HEXB: variants seen among roughly 807,000 people sequenced by gnomAD.
The protein encoded by HEXB is hexosaminidase subunit beta.
A neutral mutation model predicts 71.2 loss-of-function variants in HEXB; 51 were observed. The ratio of observed to expected loss-of-function variants is 0.72; its 90% CI spans 0.57 to 0.90. The LOEUF is 0.90. Ranked by LOEUF, HEXB falls within the 40% of genes least tolerant of loss-of-function variation. The pLI, the probability that HEXB is intolerant of heterozygous loss-of-function variation, is 0.00. For missense variants in HEXB, 617 were observed against 677.0 expected, an observed-to-expected ratio of 0.91 and a Z score of 0.98; for synonymous variants, 266 against 249.3, an observed-to-expected ratio of 1.07 and a Z score of -0.63.
intron 1 of HEXB, among the ~76,000 whole-genome samples, chr5:74,644,157 G>C (rs938945838): frequency 6.6e-6 from 1 of 152,248 alleles, no homozygotes; most frequent in Non-Finnish European, 1.5e-5. Flanking sequence ...AGGGAAGCAG[G>C]GTGGACAGAT....
At chr5:74,711,973 C>T (rs1351157544) in intron 6 of HEXB, among the ~76,000 whole-genome samples, 6 of 148,044 alleles carry the variant, frequency 4.1e-5, no homozygotes, top group African/African-American at 1.3e-4. Context: ...TGTAAAGACA[C>T]ATGCACACGT....
At chr5:74,686,863 A>G (rs1446297350) in intron 1 of HEXB, among the ~76,000 whole-genome samples, 1 of 152,194 alleles carries the variant, frequency 6.6e-6, no homozygotes, top group Non-Finnish European at 1.5e-5. Flanking sequence ...TTAAAAACAA[A>G]CACGCTTATT....
rs1367450967 is a variant in HEXB at position 74,718,872 on chromosome 5, G to A, written c.1318G>A (p.Gly440Ser). 6.2e-7 allele frequency: 1 copy of A among 1,613,898 alleles called. No homozygotes were observed. Among genetic ancestry groups the A allele is most frequent in the African/African-American group, 1.3e-5 (1 of 74,908 alleles). The stretch of plus-strand genomic sequence containing the variant: ...GGAACTCAGTAGAGTCACAGCATCT[G>A]GCTTCCCTGTAATCCTTTCTGCTCC... ...PEELSRVTAS[G>S]FPVILSAPWY... The change falls in exon 11 of 14, where the codon GGC becomes AGC. Residue 440 changes from glycine (G) to serine (S), a missense_variant. Coordinates refer to ENST00000261416, the MANE Select transcript of HEXB (RefSeq NM_000521.4).
chr5:74,717,479 T>C (rs1346816174), intron 9 of HEXB, among the ~76,000 whole-genome samples: 1 of 139,826 alleles, frequency 7.2e-6, no homozygotes, highest in Non-Finnish European at 1.5e-5. Flanking sequence ...GAAAAATGCA[T>C]ATATATATAT....
chr5:74,719,024 A>G, intron 11 of HEXB, 53 bp downstream of exon 11: 1 of 1,551,354 alleles, frequency 6.4e-7, no homozygotes, highest in Non-Finnish European at 8.9e-7. Context: ...GCTGATGGTA[A>G]GTGAAGCAAC....
In HEXB at chr5:74,702,883, G is replaced by A. The variant is rs566953100; in HGVS notation, c.670-2336G>A. Among the ~76,000 whole-genome samples the A allele has an allele frequency of 2.5e-3, 379 of 152,218 alleles. 1 individual carries two copies. Among genetic ancestry groups the A allele is most frequent in the Middle Eastern group, 6.8e-3 (2 of 294 alleles). On this transcript the variant is annotated intron_variant, in intron 5 of 13. Coordinates refer to ENST00000261416, the MANE Select transcript of HEXB (RefSeq NM_000521.4). ...TCCCTTCTCTTTTATTTAAGTATTCGTTATTTTTATCAGTGTGGACTCATG... is the reference window on the plus strand; with the variant it reads ...TCCCTTCTCTTTTATTTAAGTATTCATTATTTTTATCAGTGTGGACTCATG...
chr5:74,642,976 G>T (rs1028967246), intron 1 of HEXB, among the ~76,000 whole-genome samples: 1 of 152,166 alleles, frequency 6.6e-6, no homozygotes, highest in South Asian at 2.1e-4. Flanking sequence ...TTCAGTGACC[G>T]TATACATTCG....
intron 1 of HEXB, among the ~76,000 whole-genome samples, chr5:74,659,636 C>T (rs1004484494): frequency 2.6e-5 from 4 of 152,036 alleles, no homozygotes; most frequent in African/African-American, 9.7e-5. Context: ...GAAAGGTAAG[C>T]GTGAGAGCTG....
intron 5 of HEXB, among the ~76,000 whole-genome samples, chr5:74,703,331 G>T (rs1239905198): frequency 6.6e-6 from 1 of 152,198 alleles, no homozygotes; most frequent in African/African-American, 2.4e-5. Context: ...ATCCCTTGCA[G>T]GTTCCCTTTA....
chr5:74,687,947 C>T (rs1322254639), intron 1 of HEXB, among the ~76,000 whole-genome samples: 1 of 152,118 alleles, frequency 6.6e-6, no homozygotes, highest in Non-Finnish European at 1.5e-5. Flanking sequence ...TCTGGCTTAC[C>T]AAAATCTGTA....
At chr5:74,692,414 C>T (rs1443719132) in intron 2 of HEXB, among the ~76,000 whole-genome samples, 5 of 151,744 alleles carry the variant, frequency 3.3e-5, no homozygotes, top group Non-Finnish European at 7.4e-5. Context: ...CTTGGGAGGT[C>T]GAGGCTGCAA....
chr5:74,652,572 A>G lies in HEXB; in HGVS notation c.-377+12014A>G, dbSNP rs1337526012. ...AGAAAATGTAACTTAATTTTTCTAG[A>G]ACAGAACTTTTTACCATAAGACCCT... On this transcript the variant is annotated intron_variant, in intron 1 of 13. Transcript: ENST00000511181. This position sits in a 1 kb window ranked among gnomAD's most constrained non-coding sequence, Gnocchi z 5.4. Among the ~76,000 whole-genome samples the G allele has an allele frequency of 2.0e-5, 3 of 152,224 alleles. No individual in the cohort carries two copies. The highest frequency in any genetic ancestry group is 7.2e-5 in the African/African-American group (3 of 41,462).
intron 5 of HEXB, among the ~76,000 whole-genome samples, chr5:74,703,963 G>A (rs1220449419): frequency 1.3e-5 from 2 of 152,208 alleles, no homozygotes; most frequent in African/African-American, 2.4e-5. Context: ...ACAGATGTGA[G>A]CCACCGTGTC....
chr5:74,692,911 G>C (rs185169820), intron 2 of HEXB, among the ~76,000 whole-genome samples: 1 of 152,220 alleles, frequency 6.6e-6, no homozygotes, highest in African/African-American at 2.4e-5. Flanking sequence ...GCCAACCTTA[G>C]AGTGTGCTTC....
chr5:74,661,507 CTCTCTCTGTG>C (rs1292198357), intron 1 of HEXB, among the ~76,000 whole-genome samples: 1 of 72,778 alleles, frequency 1.4e-5, no homozygotes, highest in African/African-American at 4.0e-5. Context: ...TTCATTTTCT[CTCTCTCTGTG>C]TGTGTGTGTG....
chr5:74,696,431 C>A (rs1461740257), intron 3 of HEXB, among the ~76,000 whole-genome samples: 1 of 152,054 alleles, frequency 6.6e-6, no homozygotes, highest in African/African-American at 2.4e-5. Flanking sequence ...ATTGAAACAA[C>A]CCCCAGGGTA....
At chr5:74,718,456 T>C (rs1239402650) in intron 10 of HEXB, 93 bp downstream of exon 10, 1 of 955,038 alleles carries the variant, frequency 1.0e-6, no homozygotes, top group Non-Finnish European at 1.7e-6. Context: ...CTACTAGTAT[T>C]ACCTTTCTAG....
chr5:74,718,820 A>C lies in HEXB; in HGVS notation c.1266A>C (p.Glu422Asp), dbSNP rs781563458. The C allele has an allele frequency of 1.2e-6, 2 of 1,614,182 alleles. No individual in the cohort carries two copies. The highest frequency in any genetic ancestry group is 2.7e-5 in the African/African-American group (2 of 75,066). The change falls in exon 11 of 14, where the codon GAA (glutamate) becomes GAC (aspartate). Residue 422 changes from glutamate to aspartate, a missense_variant. Transcript: ENST00000261416. ...AGCTTGCGCCGGGCACAATAGTTGAAGTATGGAAAGACAGCGCATATCCTG... is the reference window on the plus strand; with the variant it reads ...AGCTTGCGCCGGGCACAATAGTTGACGTATGGAAAGACAGCGCATATCCTG... ...KAKLAPGTIV[E>D]VWKDSAYPEE...
chr5:74,654,734 A>G (rs1474716104), intron 1 of HEXB, among the ~76,000 whole-genome samples: 1 of 152,148 alleles, frequency 6.6e-6, no homozygotes, highest in East Asian at 1.9e-4. Context: ...TTAAACTAGA[A>G]AGACATAATC....
Sources: allele counts gnomAD v4.1 joint callset (sites outside exome capture counted in the v4.1 genomes callset), GRCh38; gene constraint gnomAD v4.1.1; non-coding constraint Gnocchi (gnomAD v3.1); transcripts MANE v1.5; gene names NCBI Gene and HGNC (gene_info 2026-07-23, HGNC 2026-07-21).